Variants in PPP1CB observed in about 807,000 individuals in gnomAD.
PPP1CB encodes the protein protein phosphatase 1 catalytic subunit beta, also known as serine/threonine-protein phosphatase PP1-beta catalytic subunit.
Under a neutral mutation model 43.7 loss-of-function variants are expected in PPP1CB, and 2 were observed. The ratio of observed to expected loss-of-function variants is 0.05; its 90% confidence interval spans 0.02 to 0.14. The LOEUF (loss-of-function observed/expected upper bound fraction) is 0.14. Among genes scored for constraint, PPP1CB ranks in the 10% least tolerant of loss-of-function variants. PPP1CB has a pLI of 1.00. For synonymous variants in PPP1CB, 136 were observed against 135.6 expected, an observed-to-expected ratio of 1.00 and a Z score of -0.02; for missense variants, 84 against 398.0, an observed-to-expected ratio of 0.21 and a Z score of 6.71.
At chr2:28,765,150 C>G (rs1271019747) in intron 1 of PPP1CB, among the ~76,000 whole-genome samples, 1 of 152,116 alleles carries the variant, frequency 6.6e-6, no homozygotes, top group Non-Finnish European at 1.5e-5. Context: ...AGTTTTTACA[C>G]TGATATAAAA....
At chr2:28,773,784 T>C (rs1167663095) in intron 1 of PPP1CB, among the ~76,000 whole-genome samples, 4 of 152,234 alleles carry the variant, frequency 2.6e-5, no homozygotes, top group African/African-American at 9.6e-5. Context: ...CTAATTTATT[T>C]CTAATTTCTA....
intron 1 of PPP1CB, among the ~76,000 whole-genome samples, chr2:28,766,622 T>C (rs929942548): frequency 6.6e-6 from 1 of 152,222 alleles, no homozygotes; most frequent in South Asian, 2.1e-4. Context: ...TCACTTCGAA[T>C]GAGGATTGGC....
At chr2:28,789,165 A>AGTT (rs1299442929) in intron 6 of PPP1CB, among the ~76,000 whole-genome samples, 4 of 152,136 alleles carry the variant, frequency 2.6e-5, no homozygotes, top group Non-Finnish European at 5.9e-5. Context: ...ACACTTAACA[A>AGTT]TCTAGTGATT....
At chr2:28,786,915 T>C (rs1217728864) in intron 5 of PPP1CB, among the ~76,000 whole-genome samples, 1 of 152,156 alleles carries the variant, frequency 6.6e-6, no homozygotes, top group Non-Finnish European at 1.5e-5. Context: ...CAGAAAGGGC[T>C]TAAGAATTGA....
intron 1 of PPP1CB, among the ~76,000 whole-genome samples, chr2:28,775,264 T>C (rs1439052028): frequency 6.6e-6 from 1 of 152,144 alleles, no homozygotes; most frequent in South Asian, 2.1e-4. Flanking sequence ...TGCACCATCA[T>C]GCCCAGCTAA....
At position 28,799,413 on chromosome 2, in the gene PPP1CB, A is replaced by G; in HGVS notation, c.*110A>G. 2 of 801,944 alleles carry G rather than the reference A, an allele frequency of 2.5e-6. No individual in the cohort carries two copies. Among genetic ancestry groups the G allele is most frequent in the Non-Finnish European group, 3.9e-6 (2 of 507,386 alleles). The allele number at this position is 801,944 out of a possible 1,614,324, so 49.7% of individuals were successfully genotyped here. On this transcript the variant is annotated 3_prime_UTR_variant, in exon 8 of 8. Coordinates refer to ENST00000395366, the MANE Select transcript of PPP1CB (RefSeq NM_002709.3). ...CATTTGACACCCTTTATGATGTCAC[A>G]CCTTTAACTTAAGGAGACGGGTAAA...
intron 7 of PPP1CB, among the ~76,000 whole-genome samples, chr2:28,796,200 A>T (rs899166325): frequency 3.3e-5 from 5 of 152,104 alleles, no homozygotes; most frequent in Non-Finnish European, 7.4e-5. Flanking sequence ...TAAGCCTTAT[A>T]ATGTACCTTG....
At chr2:28,761,404 T>C (rs1666643663) in intron 1 of PPP1CB, among the ~76,000 whole-genome samples, 1 of 152,246 alleles carries the variant, frequency 6.6e-6, no homozygotes, top group South Asian at 2.1e-4. Flanking sequence ...TCTTATATAA[T>C]GATTAACGAC....
intron 1 of PPP1CB, among the ~76,000 whole-genome samples, chr2:28,772,037 C>T (rs1246462319): frequency 1.3e-5 from 2 of 151,626 alleles, no homozygotes; most frequent in East Asian, 3.9e-4. Context: ...TACTCAATGG[C>T]CAGGTGCAGT....
At chr2:28,752,319 A>C (rs1666324467) in intron 1 of PPP1CB, 143 bp downstream of exon 1, 1 of 809,968 alleles carries the variant, frequency 1.2e-6, no homozygotes, top group Middle Eastern at 3.8e-4. Flanking sequence ...GGACGAACCG[A>C]GGAGGGGGCG....
At chr2:28,765,495 A>G (rs1173754212) in intron 1 of PPP1CB, among the ~76,000 whole-genome samples, 1 of 152,194 alleles carries the variant, frequency 6.6e-6, no homozygotes, top group Non-Finnish European at 1.5e-5. Flanking sequence ...TGATATATGG[A>G]AATTTTTTTT....
intron 6 of PPP1CB, among the ~76,000 whole-genome samples, chr2:28,790,934 T>G (rs1667372093): frequency 6.6e-6 from 1 of 152,174 alleles, no homozygotes; most frequent in Admixed American, 6.5e-5. Context: ...AGTTCAGGGT[T>G]TTTGGTTGTC....
chr2:28,788,961 A>G, intron 6 of PPP1CB, 152 bp downstream of exon 6: 2 of 751,816 alleles, frequency 2.7e-6, no homozygotes, highest in South Asian at 2.1e-5. Context: ...GGGTTCAGGC[A>G]GTTCTTGTGC....
At chr2:28,782,705 G>A (rs1667180545) in intron 4 of PPP1CB, 1 of 152,194 alleles carries the variant, frequency 6.6e-6, no homozygotes, top group Admixed American at 6.5e-5. Context: ...TGACTATTGA[G>A]CAACGGAGTT....
rs368197884 is a variant in PPP1CB, at chr2:28,776,842, G to T, written c.53-9G>T. ...TAGAAAACTGACTGTTTTATTTATC[G>T]TTTGTCAGTACGAGGATGTCGTCCA... is the stretch of plus-strand genomic sequence containing the variant. On this transcript the variant is annotated splice_polypyrimidine_tract_variant and intron_variant, in intron 1 of 7. Transcript: ENST00000395366. The T allele has an allele frequency of 2.5e-6, 4 of 1,586,428 alleles. No individual in the cohort carries two copies. The African/African-American group carries it at 4.0e-5, about 16-fold the overall frequency.
intron 6 of PPP1CB, among the ~76,000 whole-genome samples, chr2:28,789,260 A>G (rs1667336554): frequency 6.6e-6 from 1 of 152,046 alleles, no homozygotes; most frequent in Non-Finnish European, 1.5e-5. Context: ...TAATCCCAGC[A>G]CTTTGGCAAG....
intron 1 of PPP1CB, among the ~76,000 whole-genome samples, chr2:28,755,789 T>A (rs1032728492): frequency 2.6e-5 from 4 of 152,186 alleles, no homozygotes; most frequent in Admixed American, 2.0e-4. Context: ...GCTGGGTGAA[T>A]AAGAGTGCCA....
At chr2:28,772,545 T>C (rs1277009422) in intron 1 of PPP1CB, among the ~76,000 whole-genome samples, 1 of 152,218 alleles carries the variant, frequency 6.6e-6, no homozygotes, top group Non-Finnish European at 1.5e-5. Context: ...CTTTGTTCTA[T>C]ACATACCTAA....
Position 28,752,133 on chromosome 2 carries a change from C to T in PPP1CB, c.9C>T (p.Asp3=), listed in dbSNP as rs759152521. The T allele has an allele frequency of 7.1e-6, 11 of 1,549,320 alleles. No homozygotes were observed. The highest frequency in any genetic ancestry group is 9.6e-6 in the Non-Finnish European group (11 of 1,146,010). Residue 3 remains aspartate (D), a synonymous_variant, in exon 1 of 8, where the codon GAC becomes GAT. Transcript: ENST00000395366. The part of the protein sequence containing the change: MA[D]GELNVDSLIT... ...GAGTCTGTGCCGACAAGATGGCGGACGGGGAGCTGAACGTGGACAGCCTCA... is the reference window on the plus strand; with the variant it reads ...GAGTCTGTGCCGACAAGATGGCGGATGGGGAGCTGAACGTGGACAGCCTCA...
Sources: gnomAD v4.1 joint callset for allele counts (sites outside exome capture counted in the v4.1 genomes callset) on GRCh38, gnomAD v4.1.1 for gene constraint, MANE v1.5 for transcripts, NCBI Gene and HGNC (gene_info 2026-07-23, HGNC 2026-07-21) for gene names.